The following ATM variants were observed in gnomAD, a reference collection of about 807,000 sequenced individuals.
ATM encodes the protein ATM serine/threonine kinase.
ATM carries 308 observed loss-of-function variants against 387.0 expected under a neutral mutation model. The observed-to-expected ratio is 0.80, with a 90% CI of 0.73 to 0.87. ATM has a LOEUF of 0.87. Ranked by LOEUF, ATM falls within the 40% of genes least tolerant of loss-of-function variation. ATM has a pLI of 0.00. For missense variants in ATM, 3,312 were observed against 3,560.9 expected, an observed-to-expected ratio of 0.93 and a Z score of 1.78; for synonymous variants, 1,156 against 1,187.3, an observed-to-expected ratio of 0.97 and a Z score of 0.54.
At chr11:108,354,786 G>T (rs749333397) in intron 60 of ATM, 25 bp from the exon 61 acceptor site, 1 of 1,600,878 alleles carries the variant, frequency 6.2e-7, no homozygotes, top group Non-Finnish European at 8.6e-7. Flanking sequence ...AACAAAATCC[G>T]TATTTATAAT....
rs1162704096 is a variant in ATM at position 108,245,066 on chromosome 11, A to C, written c.901+40A>C. 1 of 1,477,828 alleles carries C rather than the reference A, an allele frequency of 6.8e-7. No homozygotes were observed. The highest frequency in any genetic ancestry group is 9.3e-7 in the Non-Finnish European group (1 of 1,069,696). The allele number at this position is 1,477,828 out of a possible 1,614,324, so 91.5% of individuals were successfully genotyped here. On this transcript the variant is annotated intron_variant, in intron 7 of 62. Coordinates refer to ENST00000675843, the MANE Select transcript of ATM (RefSeq NM_000051.4). ...TTTACTGTTTTGAATTTGCTTCTTC[A>C]TTCAAACATAGAAGTCTAAGTATAA...
In ATM at chr11:108,327,638, T is replaced by TA. The variant is rs760058702; in HGVS notation, c.6976-6dup. On this transcript the variant is annotated splice_region_variant and splice_polypyrimidine_tract_variant and intron_variant, in intron 47 of 62. Transcript: ENST00000675843. ...TTATATTTTAAGATTTTGCCTTTCT[T>TA]ATACAGAACAATCCCAGCCTAAAAC... 3 of 1,611,246 alleles carry TA rather than the reference T, an allele frequency of 1.9e-6. No homozygotes were observed. Among genetic ancestry groups the TA allele is most frequent in the Non-Finnish European group, 2.5e-6 (3 of 1,177,706 alleles).
chr11:108,317,652 T>TATACACACACACACAC (rs1399501257), intron 43 of ATM, 131 bp downstream of exon 43: 111 of 118,336 alleles, frequency 9.4e-4, no homozygotes, highest in African/African-American at 5.0e-3. Flanking sequence ...TATATATATA[T>TATACACACACACACAC]ACACACACAC....
chr11:108,293,006 A>G lies in ATM; in HGVS notation c.4611+213A>G, dbSNP rs600329. ...ATAGTTTTATCTACTGTGCTGAAGT[A>G]GAGAGGTAGTCAAAACTAGGGATAG... is the stretch of plus-strand genomic sequence containing the variant. On this transcript the variant is annotated intron_variant, in intron 30 of 62. Transcript: ENST00000675843. Among the ~76,000 whole-genome samples the G allele has an allele frequency of 0.52, 79,565 of 152,064 alleles. 21,678 individuals are homozygous for G. Among genetic ancestry groups the G allele is most frequent in the Middle Eastern group, 0.73 (214 of 294 alleles).
intron 61 of ATM, among the ~76,000 whole-genome samples, chr11:108,358,840 C>A (rs952941699): frequency 6.6e-6 from 1 of 151,024 alleles, no homozygotes; most frequent in Non-Finnish European, 1.5e-5. Flanking sequence ...ACTGCAAAAT[C>A]ATGCCAAAAT....
At position 108,227,893 on chromosome 11, in the gene ATM, T is replaced by C; in HGVS notation, c.185+5T>C. ...GAATTGGGATGCTGTTTTTAGGTAT[T>C]CTATTCAAATTTATTTTACTGTCTT... On this transcript the variant is annotated splice_donor_5th_base_variant and intron_variant, in intron 3 of 62. Transcript: ENST00000675843. The C allele has an allele frequency of 6.3e-7, 1 of 1,598,110 alleles. No homozygotes were observed.
rs2086293039 is a variant in ATM, at chr11:108,331,919, T to G, written c.7670T>G (p.Leu2557Trp). The change falls in exon 52 of 63, where the codon TTG (leucine) becomes TGG (tryptophan). Residue 2557 changes from leucine (L) to tryptophan (W), a missense_variant. Leu to Trp is a moderately conservative substitution (Grantham distance 61, BLOSUM62 -2). Coordinates refer to ENST00000675843, the MANE Select transcript of ATM (RefSeq NM_000051.4). Reference protein sequence around the residue: ...RISMDHPHHTLFIILALANAN... With the variant: ...RISMDHPHHTWFIILALANAN... ...TCAATGGATCACCCCCATCACACTT[T>G]GTTTATTATACTGGCCTTAGCAAAT... 2 of 1,613,898 alleles carry G rather than the reference T, an allele frequency of 1.2e-6. No homozygotes were observed. Among genetic ancestry groups the G allele is most frequent in the Non-Finnish European group, 1.7e-6 (2 of 1,179,920 alleles).
intron 13 of ATM, 89 bp from the exon 14 acceptor site, chr11:108,256,126 A>G (rs927861951): frequency 8.0e-7 from 1 of 1,244,292 alleles, no homozygotes; most frequent in Non-Finnish European, 1.1e-6. Flanking sequence ...TTGTTTTTTA[A>G]TATGTATGTA....
intron 1 of ATM, chr11:108,226,861 C>T (rs1459101910): frequency 6.6e-6 from 1 of 152,058 alleles, no homozygotes; most frequent in Non-Finnish European, 1.5e-5. Flanking sequence ...AGCACACTAC[C>T]ACGCCTGGCC....
chr11:108,248,295 T>A (rs2135281846), intron 8 of ATM, among the ~76,000 whole-genome samples: 1 of 152,308 alleles, frequency 6.6e-6, no homozygotes, highest in East Asian at 1.9e-4. Context: ...TTCTTAATAT[T>A]TCTTAAAATT....
At position 108,331,546 on chromosome 11, in the gene ATM, G is replaced by A. The variant is rs35203200; in HGVS notation, c.7618G>A (p.Val2540Ile). 137 of 1,611,924 alleles carry A rather than the reference G, an allele frequency of 8.5e-5. No homozygotes were observed. Among genetic ancestry groups the A allele is most frequent in the Non-Finnish European group, 9.6e-5 (113 of 1,179,224 alleles). Residue 2540 changes from valine (V) to isoleucine (I), a missense_variant, in exon 51 of 63, where the codon GTC becomes ATC. Physicochemically the swap from Val to Ile is conservative, Grantham distance 29. This residue lies in a region of ATM where 1,405 missense variants were observed against 1,604.4 expected (regional missense o/e 0.88). Coordinates refer to ENST00000675843, the MANE Select transcript of ATM (RefSeq NM_000051.4). ...GATGGGAGGCCTAGGATTTCATGAA[G>A]TCCTCAATAATGTAAGTAAACCTGA... ...KMMGGLGFHEVLNNLISRISM... is the reference protein window; with the variant it reads ...KMMGGLGFHEILNNLISRISM...
At chr11:108,244,745 T>C in intron 6 of ATM, 43 bp from the exon 7 acceptor site, 1 of 1,444,366 alleles carries the variant, frequency 6.9e-7, no homozygotes, top group South Asian at 1.1e-5. Flanking sequence ...GTACAGTTTG[T>C]TCCCCCTGTT....
At chr11:108,295,093 CTG>C (rs1565466766) in intron 32 of ATM, 34 bp downstream of exon 32, 1 of 1,612,406 alleles carries the variant, frequency 6.2e-7, no homozygotes, top group Non-Finnish European at 8.5e-7. Flanking sequence ...CTATTTCTAC[CTG>C]TTTCTTTTTG....
rs768874297 is a variant in ATM at position 108,256,240 on chromosome 11, G to C, written c.2150G>C (p.Arg717Pro). Residue 717 changes from arginine (R) to proline (P), a missense_variant, in exon 14 of 63, where the codon CGG becomes CCG. Physicochemically the swap from Arg to Pro is moderately radical, Grantham distance 103. Transcript: ENST00000675843. The stretch of plus-strand genomic sequence containing the variant: ...ATTACAAATTCAGAAACTCTTGTCC[G>C]GTGTTCACGTCTTTTGGTGGGTGTC... ...SEITNSETLV[R>P]CSRLLVGVLG... 15 of 1,606,852 alleles carry C rather than the reference G, an allele frequency of 9.3e-6. No individual in the cohort carries two copies. Among genetic ancestry groups the C allele is most frequent in the Non-Finnish European group, 8.5e-7 (1 of 1,175,548 alleles).
intron 22 of ATM, among the ~76,000 whole-genome samples, chr11:108,277,164 G>A (rs112606813): frequency 2.0e-5 from 3 of 152,272 alleles, no homozygotes; most frequent in African/African-American, 7.2e-5. Context: ...TGTTTATACT[G>A]TGAGGGGAAA....
intron 53 of ATM, among the ~76,000 whole-genome samples, chr11:108,333,247 T>G (rs2086475931): frequency 6.6e-6 from 1 of 152,198 alleles, no homozygotes; most frequent in Non-Finnish European, 1.5e-5. Context: ...ATGTGGTTAC[T>G]AAAACTGCCC....
At chr11:108,264,423 A>T (rs1198270710) in intron 16 of ATM, among the ~76,000 whole-genome samples, 1 of 152,234 alleles carries the variant, frequency 6.6e-6, no homozygotes, top group Non-Finnish European at 1.5e-5. Context: ...CTTGGACAAA[A>T]TTCAACAACC....
In ATM at chr11:108,292,618, G is replaced by C. The variant is rs759520465; in HGVS notation, c.4437-1G>C. ...GTTGTTTTTTTTTCTCCCTATATTAGGCCTTCTTGTATCATGGATGTGTCA... is the reference window on the plus strand; with the variant it reads ...GTTGTTTTTTTTTCTCCCTATATTACGCCTTCTTGTATCATGGATGTGTCA... On this transcript the variant is annotated splice_acceptor_variant, in intron 29 of 62. Transcript: ENST00000675843. LOFTEE classifies it high-confidence loss of function. The C allele has an allele frequency of 1.9e-6, 3 of 1,612,920 alleles. No individual in the cohort carries two copies. The highest frequency in any genetic ancestry group is 1.3e-5 in the African/African-American group (1 of 74,678).
At chr11:108,231,066 T>C (rs1183491151) in intron 4 of ATM, among the ~76,000 whole-genome samples, 1 of 152,176 alleles carries the variant, frequency 6.6e-6, no homozygotes, top group Non-Finnish European at 1.5e-5. Flanking sequence ...TTATCTTTCA[T>C]TCTGTACTCT....
Sources: gnomAD v4.1 joint callset for allele counts (sites outside exome capture counted in the v4.1 genomes callset) on GRCh38, gnomAD v4.1.1 for gene constraint, gnomAD v4.1.1 regional missense constraint, MANE v1.5 for transcripts, NCBI Gene and HGNC (gene_info 2026-07-23, HGNC 2026-07-21) for gene names.